The following PKP1 variants were observed in gnomAD, a reference collection of about 807,000 sequenced individuals.
PKP1 encodes the protein plakophilin 1.
A neutral mutation model predicts 76.4 loss-of-function variants in PKP1; 27 were observed. The observed-to-expected ratio is 0.35, with a 90% CI of 0.26 to 0.49. PKP1 has a LOEUF of 0.49. Ranked by LOEUF, PKP1 falls within the 20% of genes least tolerant of loss-of-function variation. The pLI is 0.99. For synonymous variants in PKP1, 404 were observed against 384.2 expected (o/e 1.05, Z -0.60); for missense variants, 964 against 955.2 (o/e 1.01, Z -0.12).
chr1:201,323,975 CA>C (rs1024380267), intron 9 of PKP1, among the ~76,000 whole-genome samples: 28 of 152,274 alleles, frequency 1.8e-4, no homozygotes, highest in African/African-American at 5.8e-4. Context: ...AAGCCCTCAA[CA>C]AATATGTGTT....
Position 201,328,190 on chromosome 1 carries a change from T to C in PKP1, c.2107-572T>C, listed in dbSNP as rs1230150131. Reference sequence around the variant, plus strand: ...GGAAGCATGTATTGGGCACCTGCTGTATGCTGGGAGAAATAACAGGAATAA... The same window carrying C: ...GGAAGCATGTATTGGGCACCTGCTGCATGCTGGGAGAAATAACAGGAATAA... On this transcript the variant is annotated intron_variant, in intron 12 of 13. Transcript: ENST00000367324. The C allele has an allele frequency of 3.3e-5, 6 of 181,430 alleles. No homozygotes were observed. In the East Asian group the frequency reaches 8.2e-4, roughly 25 times the overall value. 11.2% of individuals were successfully genotyped at this position (181,430 alleles called of 1,614,324 possible).
At chr1:201,285,318 C>T (rs1486219696) in intron 1 of PKP1, among the ~76,000 whole-genome samples, 1 of 151,818 alleles carries the variant, frequency 6.6e-6, no homozygotes, top group Non-Finnish European at 1.5e-5. Flanking sequence ...TCCCTAGCCC[C>T]CATTCCTGAG....
Position 201,283,801 on chromosome 1 carries a change from A to G in PKP1, c.99A>G (p.Thr33=). 1 of 1,614,148 alleles carries G rather than the reference A, an allele frequency of 6.2e-7. No individual in the cohort carries two copies. The highest frequency in any genetic ancestry group is 1.7e-5 in the Admixed American group (1 of 60,036). The change falls in exon 1 of 14, where the codon ACA becomes ACG. Residue 33 remains threonine, a synonymous_variant. Coordinates refer to ENST00000367324, the MANE Select transcript of PKP1 (RefSeq NM_001005337.3). ...LALPSDQKMK[T]GTSGRQRVQE... is the part of the protein sequence containing the mutation. Reference sequence around the variant, plus strand: ...TGCCGTCGGACCAAAAGATGAAAACAGGCACGTCTGGCAGGCAGCGCGTGC... The same window carrying G: ...TGCCGTCGGACCAAAAGATGAAAACGGGCACGTCTGGCAGGCAGCGCGTGC...
chr1:201,296,034 CT>C (rs1656059806), intron 2 of PKP1, among the ~76,000 whole-genome samples: 1 of 152,206 alleles, frequency 6.6e-6, no homozygotes, highest in South Asian at 2.1e-4. Context: ...GTGAAAATCT[CT>C]TTCCTTCTCC....
In PKP1 at chr1:201,318,697, C is replaced by T. The variant is rs148096263; in HGVS notation, c.1134C>T (p.Arg378=). ...ACGCCCTGCCTGTTCTGGCCGACCG[C>T]GTCATCATTCCCTTCTCTGGCTGGT... The part of the protein sequence containing the change: ...IADALPVLAD[R]VIIPFSGWCD... Residue 378 remains arginine (R), a synonymous_variant, in exon 6 of 14, where the codon CGC becomes CGT. Coordinates refer to ENST00000367324, the MANE Select transcript of PKP1 (RefSeq NM_001005337.3). 4.8e-4 allele frequency: 776 copies of T among 1,612,322 alleles called. No individual in the cohort carries two copies. The highest frequency in any genetic ancestry group is 5.8e-4 in the Non-Finnish European group (689 of 1,179,894).
rs1251620348 is a variant in PKP1, at chr1:201,317,669, T to G, written c.944T>G (p.Val315Gly). The G allele has an allele frequency of 1.2e-6, 2 of 1,613,576 alleles. No individual in the cohort carries two copies. Among genetic ancestry groups the G allele is most frequent in the Non-Finnish European group, 1.7e-6 (2 of 1,179,888 alleles). ...GCGGCAGGGGCCCTGCGCAACCTGGTGTTCAGGAGCACCACCAACAAGCTG... is the reference window on the plus strand; with the variant it reads ...GCGGCAGGGGCCCTGCGCAACCTGGGGTTCAGGAGCACCACCAACAAGCTG... ...QAAAGALRNL[V>G]FRSTTNKLET... The change falls in exon 5 of 14, where the codon GTG (valine) becomes GGG (glycine). Residue 315 changes from valine (V) to glycine (G), a missense_variant. Physicochemically the swap from Val to Gly is moderately radical, Grantham distance 109. Coordinates refer to ENST00000367324, the MANE Select transcript of PKP1 (RefSeq NM_001005337.3).
chr1:201,322,420 A>G (rs1656975429), intron 8 of PKP1, among the ~76,000 whole-genome samples: 1 of 152,180 alleles, frequency 6.6e-6, no homozygotes, highest in Non-Finnish European at 1.5e-5. Context: ...TTCTTCCTGT[A>G]TAGTGGGTCA....
rs554672846 is a variant in PKP1 at position 201,297,287 on chromosome 1, C to T, written c.306+3242C>T. ...CCATGTTCTGCTCTCTGCTGGCCACCCCAGCCTCCTCCTCCTTCAGGCAGA... is the reference window on the plus strand; with the variant it reads ...CCATGTTCTGCTCTCTGCTGGCCACTCCAGCCTCCTCCTCCTTCAGGCAGA... On this transcript the variant is annotated intron_variant, in intron 2 of 13. Transcript: ENST00000367324. Among the ~76,000 whole-genome samples the T allele has an allele frequency of 2.6e-5, 4 of 152,176 alleles. No homozygotes were observed. The East Asian group carries it at 5.8e-4, about 22-fold the overall frequency.
rs1657342346 is a variant in PKP1 at position 201,332,061 on chromosome 1, G to GCGGCTTAT, written c.*2021_*2028dup. On this transcript the variant is annotated 3_prime_UTR_variant, in exon 14 of 14. Coordinates refer to ENST00000367324, the MANE Select transcript of PKP1 (RefSeq NM_001005337.3). ...ACACAGACCACATCCCTGTCCTCATGCGGCTTATGTTTTCTGGAGGAAAGT... is the reference window on the plus strand; with the variant it reads ...ACACAGACCACATCCCTGTCCTCATGCGGCTTATCGGCTTATGTTTTCTGGAGGAAAGT... 6.6e-6 allele frequency: 1 copy of GCGGCTTAT among 152,510 alleles called. No homozygotes were observed. Among genetic ancestry groups the GCGGCTTAT allele is most frequent in the Admixed American group, 6.5e-5 (1 of 15,288 alleles). The allele number at this position is 152,510 out of a possible 1,614,324, so 9.4% of individuals were successfully genotyped here.
intron 12 of PKP1, among the ~76,000 whole-genome samples, chr1:201,327,267 C>G (rs938907456): frequency 6.6e-6 from 1 of 152,174 alleles, no homozygotes; most frequent in African/African-American, 2.4e-5. Flanking sequence ...GGGAGAAAGA[C>G]AGGGATGGAG....
At chr1:201,324,328 G>A (rs139751596) in intron 9 of PKP1, 100 bp from the exon 10 acceptor site, 4 of 1,246,402 alleles carry the variant, frequency 3.2e-6, no homozygotes, top group African/African-American at 1.5e-5. Flanking sequence ...AAAGAGAAAG[G>A]GTTCTGGGAT....
At chr1:201,291,988 A>C (rs1434962487) in intron 1 of PKP1, among the ~76,000 whole-genome samples, 1 of 152,112 alleles carries the variant, frequency 6.6e-6, no homozygotes, top group African/African-American at 2.4e-5. Flanking sequence ...AGCTGTGTGC[A>C]CTCTACAGGG....
At chr1:201,315,259 T>C (rs1260433224) in intron 3 of PKP1, among the ~76,000 whole-genome samples, 2 of 152,236 alleles carry the variant, frequency 1.3e-5, no homozygotes, top group African/African-American at 2.4e-5. Flanking sequence ...TACTGATGAA[T>C]GCAGGGTGAC....
chr1:201,300,208 G>A (rs202088360), intron 2 of PKP1, among the ~76,000 whole-genome samples: 10 of 152,224 alleles, frequency 6.6e-5, no homozygotes, highest in African/African-American at 1.9e-4. Context: ...CGGGCGGGCC[G>A]GCTCCAGGGG....
chr1:201,314,415 T>C (rs916169686), intron 3 of PKP1, among the ~76,000 whole-genome samples: 1 of 152,146 alleles, frequency 6.6e-6, no homozygotes, highest in African/African-American at 2.4e-5. Flanking sequence ...TGAGCTGAGA[T>C]AGTGTCACTG....
chr1:201,313,363 C>A lies in PKP1; in HGVS notation c.504C>A (p.Arg168=), dbSNP rs199990009. 1.9e-6 allele frequency: 3 copies of A among 1,582,160 alleles called. No individual in the cohort carries two copies. Among genetic ancestry groups the A allele is most frequent in the African/African-American group, 2.7e-5 (2 of 74,446 alleles). The part of the protein sequence containing the change: ...DLYCDPRGTL[R]KGTLGSKGQK... ...ACTGTGACCCACGGGGCACCCTGCG[C>A]AAGGGCACGCTGGGCAGCAAGGGCC... Residue 168 remains arginine (R), a synonymous_variant, in exon 3 of 14, where the codon CGC becomes CGA. Coordinates refer to ENST00000367324, the MANE Select transcript of PKP1 (RefSeq NM_001005337.3).
chr1:201,325,269 T>C, intron 11 of PKP1, 142 bp downstream of exon 11: 2 of 855,188 alleles, frequency 2.3e-6, no homozygotes, highest in South Asian at 3.0e-5. Context: ...GAGGCTTGAA[T>C]GGAGGAGAAG....
chr1:201,316,129 C>CGGACGGAT (rs1349703180), intron 3 of PKP1: 13,876 of 65,234 alleles, frequency 0.21, 1,000 homozygotes, highest in African/African-American at 0.28. Flanking sequence ...GATGGACGGA[C>CGGACGGAT]GGACGGACGG....
intron 1 of PKP1, among the ~76,000 whole-genome samples, chr1:201,292,488 G>A (rs1032948375): frequency 5.3e-5 from 8 of 152,316 alleles, no homozygotes; most frequent in African/African-American, 1.4e-4. Flanking sequence ...ACTCTCTGCT[G>A]TGGGCTATGG....
Sources: gnomAD v4.1 joint callset for allele counts (sites outside exome capture counted in the v4.1 genomes callset) on GRCh38, gnomAD v4.1.1 for gene constraint, MANE v1.5 for transcripts, NCBI Gene and HGNC (gene_info 2026-07-23, HGNC 2026-07-21) for gene names.